Variants in TRMT5 observed in about 807,000 individuals in gnomAD.
The protein encoded by TRMT5 is tRNA methyltransferase 5.
In TRMT5, 31 loss-of-function variants were observed where a neutral mutation model predicts 42.2. The observed-to-expected ratio is 0.73, with a 90% CI of 0.55 to 0.99. The LOEUF (loss-of-function observed/expected upper bound fraction) is 0.99, where lower values mean the gene tolerates loss of function less well. Ranked by LOEUF, TRMT5 falls within the 50% of genes least tolerant of loss-of-function variation. The probability of loss-of-function intolerance (pLI) is 0.00; values close to 1 mark genes in which losing one functional copy is unlikely to be tolerated. For synonymous variants in TRMT5, 198 were observed against 209.6 expected (o/e 0.94, Z 0.48); for missense variants, 568 against 595.0 (o/e 0.95, Z 0.47).
rs2036833045 is a variant in TRMT5, at chr14:60,975,492, T to G, written c.1427A>C (p.Asn476Thr). The change falls in exon 4 of 5, where the codon AAC (asparagine) becomes ACC (threonine). Residue 476 changes from asparagine (N) to threonine (T), a missense_variant. By Grantham distance (65) the Asn-to-Thr change is moderately conservative. Transcript: ENST00000261249. Reference protein sequence around the residue: ...FQIPASVLYKNQTRNPENHED... With the variant: ...FQIPASVLYKTQTRNPENHED... ...CTGCTCACCTGGATTTCTGGTCTGG[T>G]TCTTGTAGAGGACAGAGGCAGGAAT... 1 of 1,612,810 alleles carries G rather than the reference T, an allele frequency of 6.2e-7. No individual in the cohort carries two copies. The highest frequency in any genetic ancestry group is 1.1e-5 in the South Asian group (1 of 91,020).
chr14:60,979,594 T>A lies in TRMT5; in HGVS notation c.304A>T (p.Arg102Trp), dbSNP rs751482098. 6.2e-7 allele frequency: 1 copy of A among 1,614,198 alleles called. No individual in the cohort carries two copies. The highest frequency in any genetic ancestry group is 1.1e-5 in the South Asian group (1 of 91,082). Residue 102 changes from arginine to tryptophan, a missense_variant, in exon 2 of 5, where the codon AGG becomes TGG. Transcript: ENST00000261249. ...ATCAATTTACTGACTATTTCTTTCC[T>A]CACTTTAAGCACTGGAATGTTGACT... ...KTVNIPVLKVRKEIVSKLMRS... is the reference protein window; with the variant it reads ...KTVNIPVLKVWKEIVSKLMRS...
chr14:60,981,259 TAGTC>T (rs747624776), upstream of TRMT5: 3 of 1,583,774 alleles, frequency 1.9e-6, no homozygotes, highest in East Asian at 2.3e-5. Context: ...ATGGAACTGG[TAGTC>T]AGCTGGAGAG....
intron 2 of TRMT5, 72 bp downstream of exon 2, chr14:60,979,159 T>A: frequency 2.9e-6 from 4 of 1,375,096 alleles, no homozygotes; most frequent in South Asian, 3.0e-5. Flanking sequence ...TTAAAAAAAA[T>A]AATTTTTAAA....
At position 60,974,470 on chromosome 14, in the gene TRMT5, T is replaced by C. The variant is rs913485; in HGVS notation, c.*639A>G. 0.92 allele frequency: 140,291 copies of C among 152,390 alleles called. 65,078 individuals are homozygous for C. The highest frequency in any genetic ancestry group is 0.99 in the Non-Finnish European group (67,135 of 68,040). The allele number at this position is 152,390 out of a possible 1,614,324, so 9.4% of individuals were successfully genotyped here. On this transcript the variant is annotated 3_prime_UTR_variant, in exon 5 of 5. Coordinates refer to ENST00000261249, the MANE Select transcript of TRMT5 (RefSeq NM_020810.3). ...CAGCTGCAGATGATATGTAAACAAATGAGCATGGTATGTTCCAATCAAACT... is the reference window on the plus strand; with the variant it reads ...CAGCTGCAGATGATATGTAAACAAACGAGCATGGTATGTTCCAATCAAACT...
chr14:60,977,680 G>C, intron 2 of TRMT5, 42 bp from the exon 3 acceptor site: 1 of 1,529,278 alleles, frequency 6.5e-7, no homozygotes, highest in Non-Finnish European at 8.8e-7. Flanking sequence ...CCTATTGGTT[G>C]CAAAATAAAA....
chr14:60,981,133 T>G (rs1041070649), upstream of TRMT5: 3 of 1,553,180 alleles, frequency 1.9e-6, no homozygotes, highest in African/African-American at 4.1e-5. Flanking sequence ...TCAAGTCGAC[T>G]CGCTCCTCTC....
At position 60,975,571 on chromosome 14, in the gene TRMT5, G is replaced by A. The variant is rs755729032; in HGVS notation, c.1348C>T (p.His450Tyr). Residue 450 changes from histidine to tyrosine, a missense_variant, in exon 4 of 5, where the codon CAC (histidine) becomes TAC (tyrosine). Coordinates refer to ENST00000261249, the MANE Select transcript of TRMT5 (RefSeq NM_020810.3). ...TTTGGGGCCACATTTCTTACCAGGT[G>A]AACTGAACTGCATGCCTCCAGAGAA... ...GISLEACSSV[H>Y]LVRNVAPNKE... 5 of 1,614,200 alleles carry A rather than the reference G, an allele frequency of 3.1e-6. No individual in the cohort carries two copies. The South Asian group carries it at 4.4e-5, about 14-fold the overall frequency.
At chr14:60,980,426 G>A (rs1330114337) in intron 1 of TRMT5, among the ~76,000 whole-genome samples, 4 of 152,212 alleles carry the variant, frequency 2.6e-5, no homozygotes, top group Non-Finnish European at 5.9e-5. Context: ...TCTCCCAGCT[G>A]ATAAGTGGCT....
chr14:60,979,523 A>G lies in TRMT5; in HGVS notation c.375T>C (p.Arg125=), dbSNP rs1198856479. ...CTTTATCTTCCGGATCTTCAATCAC[A>G]CGTCTTATGCCTGGGCGCTGCAATG... The part of the protein sequence containing the change: ...RAALQRPGIR[R]VIEDPEDKES... Residue 125 remains arginine, a synonymous_variant, in exon 2 of 5, where the codon CGT becomes CGC. Coordinates refer to ENST00000261249, the MANE Select transcript of TRMT5 (RefSeq NM_020810.3). 1 of 1,614,038 alleles carries G rather than the reference A, an allele frequency of 6.2e-7. No homozygotes were observed. Among genetic ancestry groups the G allele is most frequent in the Admixed American group, 1.7e-5 (1 of 59,994 alleles).
chr14:60,979,861 A>G lies in TRMT5; in HGVS notation c.37T>C (p.Ser13Pro). 1.3e-6 allele frequency: 2 copies of G among 1,588,142 alleles called. No individual in the cohort carries two copies. The highest frequency in any genetic ancestry group is 1.1e-5 in the South Asian group (1 of 87,686). ...LWILWRPFGF[S>P]GRFLKLESHS... ...CTTTCCAGTTTCAGAAATCTTCCTG[A>G]GAATCCAAATGGCCTCCATAAGATC... The change falls in exon 2 of 5, where the codon TCA becomes CCA. Residue 13 changes from serine to proline, a missense_variant. By Grantham distance (74) the Ser-to-Pro change is moderately conservative. Coordinates refer to ENST00000261249, the MANE Select transcript of TRMT5 (RefSeq NM_020810.3).
rs756419536 is a variant in TRMT5 at position 60,976,108 on chromosome 14, T to G, written c.811A>C (p.Thr271Pro). 11 of 1,604,062 alleles carry G rather than the reference T, an allele frequency of 6.9e-6. No individual in the cohort carries two copies. Among genetic ancestry groups the G allele is most frequent in the Non-Finnish European group, 7.7e-6 (9 of 1,175,422 alleles). ...ACTTTTGAAAAATCAAATTCATAGG[T>G]GTAGTTGTTTTCTCGAACCTGAAAA... ...MMTKVRENNY[T>P]YEFDFSKVYW... The change falls in exon 4 of 5, where the codon ACC becomes CCC. Residue 271 changes from threonine (T) to proline (P), a missense_variant. Coordinates refer to ENST00000261249, the MANE Select transcript of TRMT5 (RefSeq NM_020810.3).
intron 3 of TRMT5, among the ~76,000 whole-genome samples, chr14:60,976,796 A>G (rs1023568385): frequency 5.3e-5 from 8 of 152,228 alleles, no homozygotes; most frequent in African/African-American, 1.9e-4. Flanking sequence ...CAGTGAAGCT[A>G]ATTCTTGAAC....
chr14:60,971,906 G>A lies in TRMT5; in HGVS notation c.*3203C>T. The A allele has an allele frequency of 4.4e-6, 1 of 229,564 alleles. No individual in the cohort carries two copies. The highest frequency in any genetic ancestry group is 6.1e-5 in the South Asian group (1 of 16,344). 14.2% of individuals were successfully genotyped at this position (229,564 alleles called of 1,614,324 possible). On this transcript the variant is annotated 3_prime_UTR_variant, in exon 5 of 5. Coordinates refer to ENST00000261249, the MANE Select transcript of TRMT5 (RefSeq NM_020810.3). ...AAGTCTATGCTGAAAGATGGAAAGG[G>A]AAAAGAAGACATAAAAACGAATTTG...
At chr14:60,981,229 G>C, upstream of TRMT5, 1 of 1,562,720 alleles carries the variant, frequency 6.4e-7, no homozygotes. Context: ...GGAGCGCAGG[G>C]CAGGGGTAGA....
At position 60,975,507 on chromosome 14, in the gene TRMT5, G is replaced by A. The variant is rs376872422; in HGVS notation, c.1412C>T (p.Ser471Phe). The A allele has an allele frequency of 3.1e-6, 5 of 1,614,038 alleles. No individual in the cohort carries two copies. The African/African-American group carries it at 5.3e-5, about 17-fold the overall frequency. Reference protein sequence around the residue: ...MLCITFQIPASVLYKNQTRNP... With the variant: ...MLCITFQIPAFVLYKNQTRNP... ...TCTGGTCTGGTTCTTGTAGAGGACAGAGGCAGGAATCTGAAACGTGATGCA... is the reference window on the plus strand; with the variant it reads ...TCTGGTCTGGTTCTTGTAGAGGACAAAGGCAGGAATCTGAAACGTGATGCA... The change falls in exon 4 of 5, where the codon TCT (serine) becomes TTT (phenylalanine). Residue 471 changes from serine to phenylalanine, a missense_variant. Transcript: ENST00000261249.
rs1462022868 is a variant in TRMT5 at position 60,972,964 on chromosome 14, G to C, written c.*2145C>G. 1 of 152,270 alleles carries C rather than the reference G, an allele frequency of 6.6e-6. No homozygotes were observed. 9.4% of individuals were successfully genotyped at this position (152,270 alleles called of 1,614,324 possible). ...ATCACTTCTTACTGAAAATTAGGTT[G>C]AATCACCTCAATTGCAGTTAAATAG... is the stretch of plus-strand genomic sequence containing the variant. On this transcript the variant is annotated 3_prime_UTR_variant, in exon 5 of 5. Coordinates refer to ENST00000261249, the MANE Select transcript of TRMT5 (RefSeq NM_020810.3).
At position 60,973,306 on chromosome 14, in the gene TRMT5, T is replaced by C. The variant is rs1035278943; in HGVS notation, c.*1803A>G. On this transcript the variant is annotated 3_prime_UTR_variant, in exon 5 of 5. Transcript: ENST00000261249. ...ACAGTTCTCCAGGCTATAGGAAGCA[T>C]AGCACTGGCATCTGCTTCTGGGGAA... 6 of 152,338 alleles carry C rather than the reference T, an allele frequency of 3.9e-5. No individual in the cohort carries two copies. Among genetic ancestry groups the C allele is most frequent in the South Asian group, 2.1e-4 (1 of 4,824 alleles). The allele number at this position is 152,338 out of a possible 1,614,324, so 9.4% of individuals were successfully genotyped here.
chr14:60,971,442 T>C lies in TRMT5; in HGVS notation c.*3667A>G, dbSNP rs2036772452. ...ACAAGCTAAAACAAATTGCCACACT[T>C]TTTTTTTTCTTTCAAACTGTATCCA... On this transcript the variant is annotated 3_prime_UTR_variant, in exon 5 of 5. Coordinates refer to ENST00000261249, the MANE Select transcript of TRMT5 (RefSeq NM_020810.3). 1 of 151,604 alleles carries C rather than the reference T, an allele frequency of 6.6e-6. No homozygotes were observed. The highest frequency in any genetic ancestry group is 1.5e-5 in the Non-Finnish European group (1 of 67,882). 9.4% of individuals were successfully genotyped at this position (151,604 alleles called of 1,614,324 possible). A position where few individuals can be genotyped will look rare whatever the true frequency, so the allele number is the denominator to read the frequency against.
In TRMT5 at chr14:60,975,630, T is replaced by G. The variant is rs895841164; in HGVS notation, c.1289A>C (p.Asp430Ala). Residue 430 changes from aspartate (D) to alanine (A), a missense_variant, in exon 4 of 5, where the codon GAT (aspartate) becomes GCT (alanine). Coordinates refer to ENST00000261249, the MANE Select transcript of TRMT5 (RefSeq NM_020810.3). ...SFSKDANPAE[D>A]VRQRAGAVLG... ...CACAGCTCCAGCCCTTTGCCGAACA[T>G]CCTCAGCAGGGTTAGCATCTTTGGA... 1 of 1,614,122 alleles carries G rather than the reference T, an allele frequency of 6.2e-7. No individual in the cohort carries two copies. Among genetic ancestry groups the G allele is most frequent in the Non-Finnish European group, 8.5e-7 (1 of 1,180,026 alleles).
Sources: gnomAD v4.1 joint callset for allele counts (sites outside exome capture counted in the v4.1 genomes callset) on GRCh38, gnomAD v4.1.1 for gene constraint, MANE v1.5 for transcripts, NCBI Gene and HGNC (gene_info 2026-07-23, HGNC 2026-07-21) for gene names.